PCDHGB6: variants seen among roughly 807,000 people sequenced by gnomAD.
PCDHGB6 encodes the protein protocadherin gamma subfamily B, 6, also known as protocadherin gamma-B6.
A neutral mutation model predicts 59.1 loss-of-function variants in PCDHGB6; 51 were observed. The observed-to-expected ratio is 0.86, with a 90% CI of 0.69 to 1.09. The LOEUF (loss-of-function observed/expected upper bound fraction) is 1.09, where lower values mean the gene tolerates loss of function less well. Ranked by LOEUF, PCDHGB6 falls within the 50% of genes least tolerant of loss-of-function variation. The pLI, the probability that PCDHGB6 is intolerant of heterozygous loss-of-function variation, is 0.00. For synonymous variants in PCDHGB6, 466 were observed against 495.1 expected (o/e 0.94, Z 0.78); for missense variants, 1,148 against 1,205.1 (o/e 0.95, Z 0.70).
At chr5:141,488,239 G>A (rs576918071) in intron 1 of PCDHGB6, among the ~76,000 whole-genome samples, 3 of 152,222 alleles carry the variant, frequency 2.0e-5, no homozygotes, top group South Asian at 4.1e-4. Context: ...AACTAGATGC[G>A]GTAAATTGGA....
intron 2 of PCDHGB6, among the ~76,000 whole-genome samples, chr5:141,498,956 AGAGG>A (rs1198207839): frequency 1.1e-4 from 14 of 124,162 alleles, no homozygotes; most frequent in East Asian, 2.7e-4. Context: ...AAAAAGAGAG[AGAGG>A]GAGGGAGGGA....
At position 141,493,188 on chromosome 5, in the gene PCDHGB6, C is replaced by T. The variant is rs1292810486; in HGVS notation, c.2419-1619C>T. Among the ~76,000 whole-genome samples the T allele has an allele frequency of 2.6e-5, 4 of 152,216 alleles. No individual in the cohort carries two copies. Among genetic ancestry groups the T allele is most frequent in the Non-Finnish European group, 4.4e-5 (3 of 68,046 alleles). ...ATTGAGAGAAACTTACTATATAACT[C>T]CTTTGAGAACCTCATCTCATTTGCT... On this transcript the variant is annotated intron_variant, in intron 1 of 3. Coordinates refer to ENST00000520790, the MANE Select transcript of PCDHGB6 (RefSeq NM_018926.3). The surrounding 1 kb of genome is among the most constrained non-coding windows in gnomAD (Gnocchi z 4.3).
In PCDHGB6 at chr5:141,420,182, C is replaced by G. The variant is rs375716662; in HGVS notation, c.2418+9562C>G. The G allele has an allele frequency of 3.7e-6, 6 of 1,613,694 alleles. No individual in the cohort carries two copies. In the African/African-American group the frequency reaches 8.0e-5, roughly 22 times the overall value. Reference sequence around the variant, plus strand: ...TTTTTTCACATCTGTTGATCATTGTCCAGCCACACAAGATAACCTCAACAA... The same window carrying G: ...TTTTTTCACATCTGTTGATCATTGTGCAGCCACACAAGATAACCTCAACAA... On this transcript the variant is annotated intron_variant, in intron 1 of 3. Transcript: ENST00000520790.
Position 141,431,349 on chromosome 5 carries a change from A to G in PCDHGB6, c.2418+20729A>G. 1.2e-6 allele frequency: 2 copies of G among 1,614,026 alleles called. No individual in the cohort carries two copies. The highest frequency in any genetic ancestry group is 4.5e-5 in the East Asian group (2 of 44,874). On this transcript the variant is annotated intron_variant, in intron 1 of 3. Coordinates refer to ENST00000520790, the MANE Select transcript of PCDHGB6 (RefSeq NM_018926.3). This position sits in a 1 kb window ranked among gnomAD's most constrained non-coding sequence, Gnocchi z 4.8. ...AGTAAGTACCCCGAATTGGTGCTGAAACGCGCCCTGGACCGCGAAGAAAAG... is the reference window on the plus strand; with the variant it reads ...AGTAAGTACCCCGAATTGGTGCTGAGACGCGCCCTGGACCGCGAAGAAAAG...
chr5:141,490,380 T>C lies in PCDHGB6; in HGVS notation c.2419-4427T>C, dbSNP rs1246254637. 1 of 1,614,204 alleles carries C rather than the reference T, an allele frequency of 6.2e-7. No individual in the cohort carries two copies. ...TTAATGTGCGAGACCGGGACTCAGGTAGAAATGGTGAAGTGAGCCTTGATA... is the reference window on the plus strand; with the variant it reads ...TTAATGTGCGAGACCGGGACTCAGGCAGAAATGGTGAAGTGAGCCTTGATA... On this transcript the variant is annotated intron_variant, in intron 1 of 3. Coordinates refer to ENST00000520790, the MANE Select transcript of PCDHGB6 (RefSeq NM_018926.3). This position sits in a 1 kb window ranked among gnomAD's most constrained non-coding sequence, Gnocchi z 5.4.
At chr5:141,440,551 T>C (rs1220901075) in intron 1 of PCDHGB6, 2 of 152,350 alleles carry the variant, frequency 1.3e-5, no homozygotes, top group East Asian at 1.9e-4. Context: ...GCAGGAATGT[T>C]ATTAAGTTAC....
At chr5:141,457,469 AG>A (rs1170841505) in intron 1 of PCDHGB6, among the ~76,000 whole-genome samples, 1 of 152,226 alleles carries the variant, frequency 6.6e-6, no homozygotes, top group Non-Finnish European at 1.5e-5. Context: ...CACAGGAATA[AG>A]CAGGGCCAGG....
chr5:141,487,857 T>A lies in PCDHGB6; in HGVS notation c.2419-6950T>A. Reference sequence around the variant, plus strand: ...TATCTGAGTAAGAAATGAAAGTAATTGGTGATCAAGAGCCAGGCTGTTGTG... The same window carrying A: ...TATCTGAGTAAGAAATGAAAGTAATAGGTGATCAAGAGCCAGGCTGTTGTG... On this transcript the variant is annotated intron_variant, in intron 1 of 3. Coordinates refer to ENST00000520790, the MANE Select transcript of PCDHGB6 (RefSeq NM_018926.3). The surrounding 1 kb of genome is among the most constrained non-coding windows in gnomAD (Gnocchi z 5.0). The A allele has an allele frequency of 1.0e-6, 1 of 964,674 alleles. No individual in the cohort carries two copies. Among genetic ancestry groups the A allele is most frequent in the Non-Finnish European group, 1.5e-6 (1 of 659,920 alleles). 59.8% of individuals were successfully genotyped at this position (964,674 alleles called of 1,614,324 possible). A position where few individuals can be genotyped will look rare whatever the true frequency, so the allele number is the denominator to read the frequency against.
At chr5:141,450,549 C>T (rs1414500813) in intron 1 of PCDHGB6, among the ~76,000 whole-genome samples, 2 of 151,756 alleles carry the variant, frequency 1.3e-5, no homozygotes, top group Non-Finnish European at 2.9e-5. Context: ...TGCAGTGGCG[C>T]AGTCTCGGCT....
At chr5:141,443,131 A>C (rs1042010214) in intron 1 of PCDHGB6, among the ~76,000 whole-genome samples, 2 of 152,144 alleles carry the variant, frequency 1.3e-5, no homozygotes, top group African/African-American at 4.8e-5. Flanking sequence ...GATTAAGAAC[A>C]CTATCATAAG....
chr5:141,453,701 AAC>A (rs1250174252), intron 1 of PCDHGB6, among the ~76,000 whole-genome samples: 1 of 152,240 alleles, frequency 6.6e-6, no homozygotes, highest in Non-Finnish European at 1.5e-5. Context: ...CCTGGCTTTG[AAC>A]AGTTTCACTA....
intron 3 of PCDHGB6, among the ~76,000 whole-genome samples, chr5:141,509,335 G>C (rs113423267): frequency 6.6e-6 from 1 of 152,144 alleles, no homozygotes; most frequent in African/African-American, 2.4e-5. Context: ...CTGCCAGCTG[G>C]GCCTGGGCTG....
At chr5:141,428,188 G>T in intron 1 of PCDHGB6, 1 of 1,433,356 alleles carries the variant, frequency 7.0e-7, no homozygotes. Flanking sequence ...GACAGCCGCC[G>T]CTCTCTGCGC....
chr5:141,422,286 T>C, intron 1 of PCDHGB6: 2 of 1,554,938 alleles, frequency 1.3e-6, no homozygotes, highest in Non-Finnish European at 1.7e-6. Flanking sequence ...TCACCTCTTC[T>C]ATTAATTCAA....
intron 1 of PCDHGB6, among the ~76,000 whole-genome samples, chr5:141,471,887 G>T (rs1215891997): frequency 6.6e-6 from 1 of 152,152 alleles, no homozygotes; most frequent in African/African-American, 2.4e-5. Context: ...CTGAAGCTAG[G>T]AAGATTGACT....
At chr5:141,416,253 A>G (rs1399251065) in intron 1 of PCDHGB6, 1 of 152,312 alleles carries the variant, frequency 6.6e-6, no homozygotes, top group Non-Finnish European at 1.5e-5. Flanking sequence ...AACTGATAAC[A>G]CTGCAGTATC....
intron 1 of PCDHGB6, among the ~76,000 whole-genome samples, chr5:141,460,117 T>G (rs1454761302): frequency 6.6e-6 from 1 of 151,982 alleles, no homozygotes; most frequent in Non-Finnish European, 1.5e-5. Context: ...ATGATTTTTA[T>G]ATATGTAATA....
chr5:141,408,154 A>T lies in PCDHGB6; in HGVS notation c.-49A>T. 6.6e-7 allele frequency: 1 copy of T among 1,510,630 alleles called. No homozygotes were observed. Among genetic ancestry groups the T allele is most frequent in the Non-Finnish European group, 8.9e-7 (1 of 1,126,950 alleles). The allele number at this position is 1,510,630 out of a possible 1,614,324, so 93.6% of individuals were successfully genotyped here. ...ATGCTCTTTTAGCGCGGTAGAGTGC[A>T]CTTTCTCCAACTGGAAAAGCGGGGA... On this transcript the variant is annotated 5_prime_UTR_variant, in exon 1 of 4. Transcript: ENST00000520790.
intron 1 of PCDHGB6, chr5:141,417,819 C>T: frequency 3.3e-6 from 5 of 1,513,202 alleles, no homozygotes; most frequent in Non-Finnish European, 3.5e-6. Flanking sequence ...GCACTTTCTC[C>T]AACTGGAAAA....
Sources: allele counts gnomAD v4.1 joint callset (sites outside exome capture counted in the v4.1 genomes callset), GRCh38; gene constraint gnomAD v4.1.1; non-coding constraint Gnocchi (gnomAD v3.1); transcripts MANE v1.5; gene names NCBI Gene and HGNC (gene_info 2026-07-23, HGNC 2026-07-21).